Variants in MYO5C observed in about 807,000 individuals in gnomAD.
The protein encoded by MYO5C is myosin VC.
MYO5C carries 194 observed loss-of-function variants against 235.7 expected under a neutral mutation model. The observed-to-expected ratio is 0.82, with a 90% CI of 0.73 to 0.93. The LOEUF (loss-of-function observed/expected upper bound fraction) is 0.93, where lower values mean the gene tolerates loss of function less well. MYO5C is among the 40% of genes least tolerant of loss of function. MYO5C has a pLI of 0.00. For missense variants in MYO5C, 2,038 were observed against 2,127.2 expected (o/e 0.96, Z 0.82); for synonymous variants, 707 against 754.8 (o/e 0.94, Z 1.04).
At position 52,192,748 on chromosome 15, in the gene MYO5C, G is replaced by A. The variant is rs544052938; in HGVS notation, c.*1154C>T. ...CGACACAATTTTTTAGTTACTTTTT[G>A]AGAAAATTTAAAAATAAATACATTG... On this transcript the variant is annotated 3_prime_UTR_variant, in exon 41 of 41. Transcript: ENST00000261839. The A allele has an allele frequency of 6.6e-6, 1 of 152,264 alleles. No homozygotes were observed. The highest frequency in any genetic ancestry group is 2.4e-5 in the African/African-American group (1 of 41,552). 9.4% of individuals were successfully genotyped at this position (152,264 alleles called of 1,614,324 possible). A position where few individuals can be genotyped will look rare whatever the true frequency, so the allele number is the denominator to read the frequency against.
intron 4 of MYO5C, 110 bp from the exon 5 acceptor site, chr15:52,275,828 C>G: frequency 9.5e-7 from 1 of 1,052,008 alleles, no homozygotes; most frequent in Admixed American, 2.2e-5. Flanking sequence ...TTTTGTCACT[C>G]TACTATTTTT....
At chr15:52,235,035 T>C (rs2036046931) in intron 23 of MYO5C, among the ~76,000 whole-genome samples, 1 of 152,170 alleles carries the variant, frequency 6.6e-6, no homozygotes, top group Non-Finnish European at 1.5e-5. Context: ...ACAAGTATTG[T>C]CAAGTTGAAC....
chr15:52,293,638 C>T (rs2037440610), intron 1 of MYO5C, among the ~76,000 whole-genome samples: 1 of 152,146 alleles, frequency 6.6e-6, no homozygotes, highest in Admixed American at 6.5e-5. Context: ...CCTTCAACCC[C>T]CACCCCACTC....
intron 17 of MYO5C, 140 bp from the exon 18 acceptor site, chr15:52,245,605 A>G (rs1014663243): frequency 1.9e-5 from 13 of 688,032 alleles, no homozygotes; most frequent in African/African-American, 5.2e-5. Context: ...CTGATCTTTG[A>G]TACCCTGCCT....
intron 7 of MYO5C, among the ~76,000 whole-genome samples, chr15:52,271,226 T>C (rs888792247): frequency 5.3e-5 from 8 of 151,858 alleles, no homozygotes; most frequent in Admixed American, 2.0e-4. Context: ...AAATACCCAA[T>C]GAGCTATTTT....
chr15:52,214,494 GAGAAT>G, intron 33 of MYO5C, 104 bp downstream of exon 33: 1 of 827,170 alleles, frequency 1.2e-6, no homozygotes, highest in Non-Finnish European at 1.8e-6. Context: ...CTCACCACTT[GAGAAT>G]CATTCCTTTG....
chr15:52,209,868 A>G (rs1473306668), intron 35 of MYO5C, among the ~76,000 whole-genome samples: 1 of 152,230 alleles, frequency 6.6e-6, no homozygotes, highest in African/African-American at 2.4e-5. Flanking sequence ...TAATGAATTC[A>G]TGATATTTTT....
At chr15:52,214,225 T>C (rs947426128) in intron 33 of MYO5C, among the ~76,000 whole-genome samples, 2 of 152,242 alleles carry the variant, frequency 1.3e-5, no homozygotes, top group Admixed American at 6.5e-5. Context: ...CTTAGCTCTC[T>C]ACTTTTCTAA....
intron 25 of MYO5C, 36 bp from the exon 26 acceptor site, chr15:52,225,568 AAAC>A (rs758178585): frequency 4.3e-5 from 61 of 1,430,878 alleles, no homozygotes; most frequent in Non-Finnish European, 4.9e-5. Context: ...GGTAAAGAAA[AAAC>A]AACGATTATG....
chr15:52,277,594 G>A (rs757274347), intron 4 of MYO5C, among the ~76,000 whole-genome samples: 6 of 152,206 alleles, frequency 3.9e-5, no homozygotes, highest in Admixed American at 1.3e-4. Context: ...TGCCTGACGA[G>A]CTGTTAGAAG....
At chr15:52,253,495 T>C (rs1182727138) in intron 11 of MYO5C, 38 bp from the exon 12 acceptor site, 3 of 1,582,238 alleles carry the variant, frequency 1.9e-6, no homozygotes, top group South Asian at 1.1e-5. Context: ...TAAAACAGAA[T>C]ATTAAAATAC....
rs10622518 is a variant in MYO5C, at chr15:52,286,977, TAACA to T, written c.28-4089_28-4086del. 4.1e-3 allele frequency among the ~76,000 whole-genome samples: 580 copies of T among 139,880 alleles called. 4 individuals carry two copies. Among genetic ancestry groups the T allele is most frequent in the East Asian group, 0.013 (59 of 4,600 alleles). The allele number at this position is 139,880 out of a possible 152,430, so 91.8% of individuals were successfully genotyped here. A position where few individuals can be genotyped will look rare whatever the true frequency, so the allele number is the denominator to read the frequency against. On this transcript the variant is annotated intron_variant, in intron 1 of 40. Coordinates refer to ENST00000261839, the MANE Select transcript of MYO5C (RefSeq NM_018728.4). ...AAAAAGAAAAAAAAAAAAGAAAAACTAACAAACAAACAAACAAACAAACAAAGTT... is the reference window on the plus strand; with the variant it reads ...AAAAAGAAAAAAAAAAAAGAAAAACTAACAAACAAACAAACAAACAAAGTT...
intron 22 of MYO5C, 99 bp from the exon 23 acceptor site, chr15:52,235,862 G>T: frequency 1.3e-6 from 1 of 741,604 alleles, no homozygotes. Context: ...TCTTAAATTA[G>T]TTTATTTTTT....
In MYO5C at chr15:52,272,428, T is replaced by C. The variant is rs1031693989; in HGVS notation, c.750+152A>G. On this transcript the variant is annotated intron_variant, in intron 6 of 40. Coordinates refer to ENST00000261839, the MANE Select transcript of MYO5C (RefSeq NM_018728.4). ...CACCTATTCATCCATCAATTTTTAA[T>C]AAACAGAAAAAAGAATCCAAACTGC... 25 of 710,386 alleles carry C rather than the reference T, an allele frequency of 3.5e-5. No individual in the cohort carries two copies. In the African/African-American group the frequency reaches 3.8e-4, roughly 11 times the overall value. 44.0% of individuals were successfully genotyped at this position (710,386 alleles called of 1,614,324 possible). A position where few individuals can be genotyped will look rare whatever the true frequency, so the allele number is the denominator to read the frequency against.
At chr15:52,257,737 C>T (rs1166469293) in intron 10 of MYO5C, among the ~76,000 whole-genome samples, 1 of 152,180 alleles carries the variant, frequency 6.6e-6, no homozygotes, top group Admixed American at 6.5e-5. Context: ...CAACAGCCAG[C>T]AAGTGGTGCC....
intron 9 of MYO5C, 105 bp from the exon 10 acceptor site, chr15:52,261,232 T>C (rs991038554): frequency 1.5e-6 from 2 of 1,359,436 alleles, no homozygotes; most frequent in Non-Finnish European, 2.0e-6. Context: ...GTGCAAGAGC[T>C]GAGTAGTAGC....
At chr15:52,289,418 G>C (rs780574113) in intron 1 of MYO5C, among the ~76,000 whole-genome samples, 17 of 152,026 alleles carry the variant, frequency 1.1e-4, no homozygotes, top group Non-Finnish European at 2.2e-4. Context: ...CTCCAGTGAT[G>C]CCGACGCTCC....
At position 52,275,558 on chromosome 15, in the gene MYO5C, G is replaced by A. The variant is rs373697005; in HGVS notation, c.606+4C>T. 8.4e-5 allele frequency: 135 copies of A among 1,614,136 alleles called. No homozygotes were observed. The African/African-American group carries it at 8.5e-4, about 10-fold the overall frequency. On this transcript the variant is annotated splice_donor_region_variant and intron_variant, in intron 5 of 40. Transcript: ENST00000261839. ...ACCCAGCTGCCTTCCGCAGTGGTAC[G>A]CACCTCGGTGATGGGATTGGATGCC...
chr15:52,217,782 G>A (rs1055280560), intron 32 of MYO5C, among the ~76,000 whole-genome samples: 6 of 152,186 alleles, frequency 3.9e-5, no homozygotes, highest in Admixed American at 1.3e-4. Flanking sequence ...CCTGTCAGCA[G>A]GGAGAAGGGT....
Sources: allele counts gnomAD v4.1 joint callset (sites outside exome capture counted in the v4.1 genomes callset), GRCh38; gene constraint gnomAD v4.1.1; transcripts MANE v1.5; gene names NCBI Gene and HGNC (gene_info 2026-07-23, HGNC 2026-07-21).